NHSL2: variants seen among roughly 807,000 people sequenced by gnomAD.
NHSL2 encodes the protein NHS-like protein 2.
NHSL2 carries 27 observed loss-of-function variants against 53.4 expected under a neutral mutation model. The observed-to-expected ratio is 0.51, with a 90% CI of 0.37 to 0.70. The LOEUF is 0.70. NHSL2 is among the 30% of genes least tolerant of loss of function. The pLI is 0.00. For missense variants in NHSL2, 892 were observed against 980.1 expected (o/e 0.91, Z 1.20); for synonymous variants, 408 against 404.1 (o/e 1.01, Z -0.12).
At chrX:71,974,237 G>C (rs1038063445) in intron 1 of NHSL2, among the ~76,000 whole-genome samples, 2 of 111,696 alleles carry the variant, frequency 1.8e-5, no homozygotes, top group Middle Eastern at 8.4e-3. Flanking sequence ...AAATTTTTTG[G>C]TGTGGGCTTC....
At position 72,149,434 on chromosome X, in the gene NHSL2, C is replaced by A. The variant is rs1244728227; in HGVS notation, c.*5860C>A. On this transcript the variant is annotated 3_prime_UTR_variant, in exon 8 of 8. Transcript: ENST00000633930. ...GGAACAACTAGTTAACCCCTCTCAG[C>A]CTCTTTGTAATGCCAAGCTTTATAG... 1 of 111,827 alleles carries A rather than the reference C, an allele frequency of 8.9e-6. No homozygotes were observed. The highest frequency in any genetic ancestry group is 3.3e-5 in the African/African-American group (1 of 30,765). 9.2% of individuals were successfully genotyped at this position (111,827 alleles called of 1,213,427 possible).
At chrX:72,028,815 G>A (rs1364827017) in intron 1 of NHSL2, among the ~76,000 whole-genome samples, 1 of 112,771 alleles carries the variant, frequency 8.9e-6, no homozygotes, top group African/African-American at 3.2e-5. Flanking sequence ...CTGACAGAAG[G>A]GGTGGCCCAG....
intron 1 of NHSL2, among the ~76,000 whole-genome samples, chrX:72,066,494 C>T (rs2042430362): frequency 9.0e-6 from 1 of 110,787 alleles, no homozygotes; most frequent in African/African-American, 3.3e-5. Flanking sequence ...GAGAAAAGCT[C>T]CAGGGGCCAC....
intron 1 of NHSL2, among the ~76,000 whole-genome samples, chrX:72,071,794 C>T (rs1414216701): frequency 8.9e-6 from 1 of 112,187 alleles, no homozygotes; most frequent in Non-Finnish European, 1.9e-5. Context: ...AGTCATCCTT[C>T]ACTCCTCTCT....
At chrX:72,122,820 C>T (rs1335928817) in intron 1 of NHSL2, among the ~76,000 whole-genome samples, 1 of 112,904 alleles carries the variant, frequency 8.9e-6, no homozygotes, top group African/African-American at 3.2e-5. Flanking sequence ...CCTAGCTCCA[C>T]GTGCATACCA....
chrX:72,066,907 A>T (rs972873041), intron 1 of NHSL2, among the ~76,000 whole-genome samples: 4 of 112,059 alleles, frequency 3.6e-5, no homozygotes, highest in African/African-American at 1.3e-4. Flanking sequence ...AAGTGGGAGG[A>T]TCACTTAAGC....
At chrX:71,938,317 G>A (rs1252904409) in intron 1 of NHSL2, among the ~76,000 whole-genome samples, 1 of 112,051 alleles carries the variant, frequency 8.9e-6, no homozygotes, top group African/African-American at 3.2e-5. Context: ...TCCAGCCAGA[G>A]CCCCCTTCCC....
intron 1 of NHSL2, among the ~76,000 whole-genome samples, chrX:72,124,362 A>G (rs1242048275): frequency 2.7e-5 from 3 of 111,295 alleles, no homozygotes. Context: ...GCAAGCTCAC[A>G]TCAGACCATG....
chrX:72,014,315 C>T (rs1057198526), intron 1 of NHSL2, among the ~76,000 whole-genome samples: 2 of 110,951 alleles, frequency 1.8e-5, no homozygotes, highest in African/African-American at 6.6e-5. Context: ...TTATTTTCTT[C>T]CTTCTGTTTG....
intron 1 of NHSL2, among the ~76,000 whole-genome samples, chrX:72,058,194 G>A (rs2042379854): frequency 8.9e-6 from 1 of 112,421 alleles, no homozygotes; most frequent in Non-Finnish European, 1.9e-5. Flanking sequence ...TTTTCTCAAA[G>A]ATGAACAAAA....
At chrX:72,133,720 C>T (rs1395709572) in intron 2 of NHSL2, 2 of 123,679 alleles carry the variant, frequency 1.6e-5, no homozygotes, top group Non-Finnish European at 3.3e-5. Context: ...TTGGTAGGGT[C>T]GCAGAAAACC....
In NHSL2 at chrX:72,029,051, G is replaced by A. The variant is rs757034294; in HGVS notation, c.281-103028G>A. 1.7e-3 allele frequency among the ~76,000 whole-genome samples: 191 copies of A among 111,805 alleles called. 1 individual carries two copies. The highest frequency in any genetic ancestry group is 5.9e-3 in the African/African-American group (180 of 30,764). ...CTGGCTCTTGGGTGGTCCTTTGGGTGTGGAAAGCTTAGGCATGGCATAGAC... is the reference window on the plus strand; with the variant it reads ...CTGGCTCTTGGGTGGTCCTTTGGGTATGGAAAGCTTAGGCATGGCATAGAC... On this transcript the variant is annotated intron_variant, in intron 1 of 7. Coordinates refer to ENST00000633930, the MANE Select transcript of NHSL2 (RefSeq NM_001013627.3).
chrX:72,052,464 C>T (rs1220520597), intron 1 of NHSL2, among the ~76,000 whole-genome samples: 1 of 112,635 alleles, frequency 8.9e-6, no homozygotes, highest in Non-Finnish European at 1.9e-5. Flanking sequence ...AGCCTGTGAC[C>T]TTCAGGCCAA....
intron 1 of NHSL2, among the ~76,000 whole-genome samples, chrX:71,977,081 T>A (rs766178282): frequency 8.9e-6 from 1 of 111,868 alleles, no homozygotes; most frequent in Non-Finnish European, 1.9e-5. Flanking sequence ...TTTTGGCTCC[T>A]TTTGTAACAG....
rs757585368 is a variant in NHSL2 at position 71,982,632 on chromosome X, A to G, written c.280+71265A>G. Among the ~76,000 whole-genome samples, 14 of 111,898 alleles carry G rather than the reference A, an allele frequency of 1.3e-4. No individual in the cohort carries two copies. In the South Asian group the frequency reaches 4.5e-3, roughly 36 times the overall value. ...CAATCATTTAAACAATCATGCTTAC[A>G]TAATGAAGCCTCCACAAAAACTCAA... On this transcript the variant is annotated intron_variant, in intron 1 of 7. Transcript: ENST00000633930.
chrX:72,016,911 G>A (rs781477449), intron 1 of NHSL2, among the ~76,000 whole-genome samples: 2 of 112,186 alleles, frequency 1.8e-5, no homozygotes, highest in South Asian at 7.5e-4. Context: ...AGTGAAGAGT[G>A]GACCAAGTAG....
At chrX:72,115,001 C>T (rs2042124360) in intron 1 of NHSL2, among the ~76,000 whole-genome samples, 1 of 111,970 alleles carries the variant, frequency 8.9e-6, no homozygotes, top group Non-Finnish European at 1.9e-5. Flanking sequence ...ATTTATGATT[C>T]TTTAATTGCC....
intron 4 of NHSL2, among the ~76,000 whole-genome samples, 161 bp downstream of exon 4, chrX:72,134,865 C>T (rs1489366927): frequency 8.9e-6 from 1 of 112,902 alleles, no homozygotes. Flanking sequence ...CGGAGGCATG[C>T]AGAAGAGGGG....
chrX:72,087,657 G>A (rs2041860661), intron 1 of NHSL2, among the ~76,000 whole-genome samples: 1 of 111,262 alleles, frequency 9.0e-6, no homozygotes. Flanking sequence ...AGATCACGAG[G>A]TCAGGAGTTC....
Sources: allele counts gnomAD v4.1 joint callset (sites outside exome capture counted in the v4.1 genomes callset), GRCh38; gene constraint gnomAD v4.1.1; transcripts MANE v1.5; gene names NCBI Gene and HGNC (gene_info 2026-07-23, HGNC 2026-07-21).